SUPT5H: variants seen among roughly 807,000 people sequenced by gnomAD.
SUPT5H encodes the protein SPT5 homolog, DSIF elongation factor subunit, also known as transcription elongation factor SPT5.
SUPT5H carries 24 observed loss-of-function variants against 142.5 expected under a neutral mutation model. That is an observed-to-expected ratio of 0.17 (90% confidence interval 0.12 to 0.24). SUPT5H has a LOEUF of 0.24. Ranked by LOEUF, SUPT5H falls within the 10% of genes least tolerant of loss-of-function variation. SUPT5H has a pLI of 1.00. For synonymous variants in SUPT5H, 546 were observed against 553.0 expected, an observed-to-expected ratio of 0.99 and a Z score of 0.18; for missense variants, 893 against 1,471.8, an observed-to-expected ratio of 0.61 and a Z score of 6.43.
chr19:39,475,765 C>A, intron 28 of SUPT5H: 1 of 337,272 alleles, frequency 3.0e-6, no homozygotes, highest in Non-Finnish European at 5.5e-6. Flanking sequence ...TGGGGCGGTC[C>A]CTGAGACCAG....
chr19:39,470,516 C>A lies in SUPT5H; in HGVS notation c.1670C>A (p.Thr557Asn). Residue 557 changes from threonine (T) to asparagine (N), a missense_variant, in exon 18 of 30, where the codon ACC (threonine) becomes AAC (asparagine). Transcript: ENST00000432763. The surrounding 1 kb of genome is among the most constrained non-coding windows in gnomAD (Gnocchi z 5.8). ...VGVIVRLERE[T>N]FQVLNMYGKV... is the part of the protein sequence containing the mutation. Reference sequence around the variant, plus strand: ...GTCATCGTGCGACTAGAACGGGAGACCTTCCAGGTGTGTGTGTTGTGCTCT... The same window carrying A: ...GTCATCGTGCGACTAGAACGGGAGAACTTCCAGGTGTGTGTGTTGTGCTCT... 2.6e-6 allele frequency: 4 copies of A among 1,562,994 alleles called. No individual in the cohort carries two copies. Among genetic ancestry groups the A allele is most frequent in the Non-Finnish European group, 3.5e-6 (4 of 1,152,152 alleles).
Position 39,469,993 on chromosome 19 carries a change from G to A in SUPT5H, c.1375-126G>A, listed in dbSNP as rs2079297216. The A allele has an allele frequency of 2.4e-6, 3 of 1,274,458 alleles. No homozygotes were observed. In the Admixed American group the frequency reaches 6.1e-5, roughly 26 times the overall value. The allele number at this position is 1,274,458 out of a possible 1,614,324, so 78.9% of individuals were successfully genotyped here. The stretch of plus-strand genomic sequence containing the variant: ...TCGTCCAGGTGGACTAAGGTAGTCT[G>A]GGGTGGGTGGTAAGAGCCTGAAGTG... On this transcript the variant is annotated intron_variant, in intron 16 of 29. Transcript: ENST00000432763. This position sits in a 1 kb window ranked among gnomAD's most constrained non-coding sequence, Gnocchi z 5.1.
chr19:39,459,499 G>C (rs1036809141), intron 8 of SUPT5H, 60 bp from the exon 9 acceptor site: 2 of 1,604,604 alleles, frequency 1.2e-6, no homozygotes, highest in Non-Finnish European at 1.7e-6. Context: ...CTGGGGGTTC[G>C]TCTGTTTGTT....
At position 39,470,222 on chromosome 19, in the gene SUPT5H, T is replaced by C; in HGVS notation, c.1478T>C (p.Val493Ala). ...GRFEGDTGLI[V>A]RVEENFVILF... is the part of the protein sequence containing the mutation. ...TTCGAGGGCGACACAGGCCTCATTG[T>C]GCGGGTGGAGGAGAATTTCGTTATC... Residue 493 changes from valine to alanine, a missense_variant, in exon 17 of 30, where the codon GTG (valine) becomes GCG (alanine). Coordinates refer to ENST00000432763, the MANE Select transcript of SUPT5H (RefSeq NM_001111020.3). The surrounding 1 kb of genome is among the most constrained non-coding windows in gnomAD (Gnocchi z 5.8). 1 of 1,603,016 alleles carries C rather than the reference T, an allele frequency of 6.2e-7. No individual in the cohort carries two copies. The highest frequency in any genetic ancestry group is 8.5e-7 in the Non-Finnish European group (1 of 1,172,186).
At chr19:39,446,101 G>C (rs2078950243) in intron 2 of SUPT5H, 136 bp downstream of exon 2, 1 of 1,000,470 alleles carries the variant, frequency 1.0e-6, no homozygotes, top group East Asian at 2.6e-5. Flanking sequence ...AAGAGATAGA[G>C]AATTAGGCAA....
intron 3 of SUPT5H, among the ~76,000 whole-genome samples, chr19:39,457,329 C>T (rs2079103685): frequency 6.6e-6 from 1 of 152,170 alleles, no homozygotes; most frequent in Admixed American, 6.5e-5. Context: ...AACCAACAGA[C>T]CATGAACCAT....
At position 39,474,664 on chromosome 19, in the gene SUPT5H, C is replaced by T. The variant is rs2079376422; in HGVS notation, c.2970C>T (p.Asp990=). 1.2e-5 allele frequency: 20 copies of T among 1,614,010 alleles called. No homozygotes were observed. Among genetic ancestry groups the T allele is most frequent in the Non-Finnish European group, 1.7e-5 (20 of 1,180,006 alleles). The change falls in exon 28 of 30, where the codon GAC becomes GAT. Residue 990 remains aspartate (D), a synonymous_variant. Coordinates refer to ENST00000432763, the MANE Select transcript of SUPT5H (RefSeq NM_001111020.3). This position sits in a 1 kb window ranked among gnomAD's most constrained non-coding sequence, Gnocchi z 6.5. ...CTGACATTCAGGTGAAGGTGCGGGA[C>T]ACCTACCTGGATACACAGGTGGTGG... ...VTTDIQVKVR[D]TYLDTQVVGQ...
rs201412944 is a variant in SUPT5H, at chr19:39,472,396, G to A, written c.1951-13G>A. Reference sequence around the variant, plus strand: ...TCCCCTGCCTGCCAGTTCACTCCTTGCTTCTATCCTAGCCCCGTGATGTGA... The same window carrying A: ...TCCCCTGCCTGCCAGTTCACTCCTTACTTCTATCCTAGCCCCGTGATGTGA... On this transcript the variant is annotated splice_polypyrimidine_tract_variant and intron_variant, in intron 20 of 29. Transcript: ENST00000432763. This position sits in a 1 kb window ranked among gnomAD's most constrained non-coding sequence, Gnocchi z 4.2. 4 of 1,613,764 alleles carry A rather than the reference G, an allele frequency of 2.5e-6. No individual in the cohort carries two copies. The highest frequency in any genetic ancestry group is 3.4e-6 in the Non-Finnish European group (4 of 1,179,768).
At chr19:39,449,812 A>G (rs1215227313) in intron 2 of SUPT5H, among the ~76,000 whole-genome samples, 1 of 151,258 alleles carries the variant, frequency 6.6e-6, no homozygotes, top group African/African-American at 2.4e-5. Flanking sequence ...GCTGATTTTT[A>G]TATTTTTGGT....
At chr19:39,450,280 GT>G (rs879886198) in intron 2 of SUPT5H, among the ~76,000 whole-genome samples, 63 of 146,066 alleles carry the variant, frequency 4.3e-4, no homozygotes, top group African/African-American at 7.5e-4. Context: ...GGGAGGCACA[GT>G]TTTTTTTTTT....
At chr19:39,462,772 C>G (rs180839113) in intron 10 of SUPT5H, among the ~76,000 whole-genome samples, 3 of 151,260 alleles carry the variant, frequency 2.0e-5, no homozygotes, top group African/African-American at 7.3e-5. Context: ...CTCAGGTGAT[C>G]GGCCCACCTC....
Position 39,476,081 on chromosome 19 carries a change from G to A in SUPT5H, c.3025G>A (p.Gly1009Arg). The change falls in exon 29 of 30, where the codon GGG (glycine) becomes AGG (arginine). Residue 1009 changes from glycine (G) to arginine (R), a missense_variant and splice_region_variant. This residue lies in a region of SUPT5H where 336 missense variants were observed against 546.5 expected (regional missense o/e 0.61). Coordinates refer to ENST00000432763, the MANE Select transcript of SUPT5H (RefSeq NM_001111020.3). ...GQTGVIRSVT[G>R]GMCSVYLKDS... ...TGACCAGGCTGTCCCCATCCTCCAG[G>A]GGGGCATGTGCTCTGTGTACCTGAA... 6.2e-7 allele frequency: 1 copy of A among 1,614,030 alleles called. No individual in the cohort carries two copies. The highest frequency in any genetic ancestry group is 1.7e-4 in the Middle Eastern group (1 of 6,056).
Position 39,458,834 on chromosome 19 carries a change from T to C in SUPT5H, c.336T>C (p.Asn112=). ...ATTTTTCAGCCTCCAATATCGATAA[T>C]GTTGTCCTGGATGAAGATCGTTCTG... ...KEEIEASNID[N]VVLDEDRSGA... is the part of the protein sequence containing the mutation. Residue 112 remains asparagine (N), a synonymous_variant, in exon 6 of 30, where the codon AAT becomes AAC. Coordinates refer to ENST00000432763, the MANE Select transcript of SUPT5H (RefSeq NM_001111020.3). The surrounding 1 kb of genome is among the most constrained non-coding windows in gnomAD (Gnocchi z 4.2). The C allele has an allele frequency of 6.2e-7, 1 of 1,613,132 alleles. No homozygotes were observed. Among genetic ancestry groups the C allele is most frequent in the Non-Finnish European group, 8.5e-7 (1 of 1,179,400 alleles).
intron 10 of SUPT5H, among the ~76,000 whole-genome samples, chr19:39,462,033 G>A (rs1480318747): frequency 2.0e-5 from 3 of 151,518 alleles, no homozygotes; most frequent in Admixed American, 2.0e-4. Flanking sequence ...TCAGCCTCCC[G>A]AGTAGCTGGG....
Position 39,447,060 on chromosome 19 carries a change from G to A in SUPT5H, c.75+1095G>A, listed in dbSNP as rs145286682. ...CGCTTCTGTAGTCCCAGCTACTTGG[G>A]AGGCTGAGGTGGGAAGATTGCTTGA... is the stretch of plus-strand genomic sequence containing the variant. On this transcript the variant is annotated intron_variant, in intron 2 of 29. Transcript: ENST00000432763. Among the ~76,000 whole-genome samples, 878 of 152,090 alleles carry A rather than the reference G, an allele frequency of 5.8e-3. 12 individuals carry two copies. The highest frequency in any genetic ancestry group is 0.02 in the African/African-American group (849 of 41,468).
chr19:39,472,754 T>G lies in SUPT5H; in HGVS notation c.2036-56T>G. ...GCAAGTGAAGGGGACGTTCTGATGG[T>G]GCCCTTGCTGTGGGCACAGCCGTGG... On this transcript the variant is annotated intron_variant, in intron 21 of 29. Transcript: ENST00000432763. This position sits in a 1 kb window ranked among gnomAD's most constrained non-coding sequence, Gnocchi z 4.2. The G allele has an allele frequency of 6.4e-7, 1 of 1,570,544 alleles. No homozygotes were observed.
chr19:39,472,465 C>A lies in SUPT5H; in HGVS notation c.2007C>A (p.Ile669=), dbSNP rs1225660142. The change falls in exon 21 of 30, where the codon ATC becomes ATA. Residue 669 remains isoleucine (I), a synonymous_variant. Transcript: ENST00000432763. The surrounding 1 kb of genome is among the most constrained non-coding windows in gnomAD (Gnocchi z 4.2). The part of the protein sequence containing the change: ...VGGFAPMSPR[I]SSPMHPSAGG... ...GCTTTGCGCCTATGAGTCCCCGGAT[C>A]AGCAGCCCCATGCACCCCAGTGCTG... 6.2e-7 allele frequency: 1 copy of A among 1,614,068 alleles called. No homozygotes were observed. Among genetic ancestry groups the A allele is most frequent in the East Asian group, 2.2e-5 (1 of 44,894 alleles).
At chr19:39,452,375 G>A (rs2146078591) in intron 2 of SUPT5H, among the ~76,000 whole-genome samples, 1 of 152,294 alleles carries the variant, frequency 6.6e-6, no homozygotes, top group East Asian at 1.9e-4. Flanking sequence ...GGCATGGAGG[G>A]AGAACAAAGT....
In SUPT5H at chr19:39,473,974, A is replaced by C; in HGVS notation, c.2504A>C (p.Glu835Ala). The C allele has an allele frequency of 6.2e-7, 1 of 1,613,914 alleles. No individual in the cohort carries two copies. Residue 835 changes from glutamate to alanine, a missense_variant, in exon 26 of 30, where the codon GAA (glutamate) becomes GCA (alanine). By Grantham distance (107) the Glu-to-Ala change is moderately radical. This residue lies in a region of SUPT5H where 336 missense variants were observed against 546.5 expected (regional missense o/e 0.61). Coordinates refer to ENST00000432763, the MANE Select transcript of SUPT5H (RefSeq NM_001111020.3). This position sits in a 1 kb window ranked among gnomAD's most constrained non-coding sequence, Gnocchi z 5.8. ...NPNTPSRAEEEYEYAFDDEPT... is the reference protein window; with the variant it reads ...NPNTPSRAEEAYEYAFDDEPT... ...TTTTCTCCCAACAGGGCTGAGGAAGAATATGAGTATGCTTTCGATGATGAG... is the reference window on the plus strand; with the variant it reads ...TTTTCTCCCAACAGGGCTGAGGAAGCATATGAGTATGCTTTCGATGATGAG...
Sources: gnomAD v4.1 joint callset for allele counts (sites outside exome capture counted in the v4.1 genomes callset) on GRCh38, gnomAD v4.1.1 for gene constraint, gnomAD v4.1.1 regional missense constraint, Gnocchi (gnomAD v3.1) non-coding constraint, MANE v1.5 for transcripts, NCBI Gene and HGNC (gene_info 2026-07-23, HGNC 2026-07-21) for gene names.